Variants in USP7 observed in about 807,000 individuals in gnomAD.
The protein encoded by USP7 is ubiquitin C-terminal hydrolase 7.
A neutral mutation model predicts 162.9 loss-of-function variants in USP7; 9 were observed. That is an observed-to-expected ratio of 0.06 (90% confidence interval 0.03 to 0.10). The LOEUF (loss-of-function observed/expected upper bound fraction) is 0.10. USP7 is among the 10% of genes least tolerant of loss of function. The pLI is 1.00. For synonymous variants in USP7, 562 were observed against 475.9 expected (o/e 1.18, Z -2.35); for missense variants, 715 against 1,373.7 (o/e 0.52, Z 7.58).
At chr16:8,896,110 A>AT (rs1007837992) in intron 26 of USP7, among the ~76,000 whole-genome samples, 3 of 142,248 alleles carry the variant, frequency 2.1e-5, no homozygotes, top group Non-Finnish European at 4.6e-5. Context: ...AAGTGCTGGG[A>AT]TTATAGGTGT....
intron 1 of USP7, among the ~76,000 whole-genome samples, chr16:8,937,787 T>C (rs1217921434): frequency 6.6e-6 from 1 of 152,038 alleles, no homozygotes; most frequent in East Asian, 1.9e-4. Flanking sequence ...AAAAAGCAGT[T>C]TGGGAGATGA....
At position 8,912,363 on chromosome 16, in the gene USP7, T is replaced by C. The variant is rs141851963; in HGVS notation, c.1079-1536A>G. Among the ~76,000 whole-genome samples, 421 of 151,292 alleles carry C rather than the reference T, an allele frequency of 2.8e-3. 2 individuals carry two copies. Among genetic ancestry groups the C allele is most frequent in the African/African-American group, 6.5e-3 (267 of 41,220 alleles). Reference sequence around the variant, plus strand: ...GCTACTCAGGAGGCTGAAAGGAGAATTGCTTGAACCCAGGAGACAAAGGTT... The same window carrying C: ...GCTACTCAGGAGGCTGAAAGGAGAACTGCTTGAACCCAGGAGACAAAGGTT... On this transcript the variant is annotated intron_variant, in intron 10 of 30. Transcript: ENST00000344836.
chr16:8,894,485 G>T, intron 30 of USP7, 65 bp downstream of exon 30: 1 of 1,552,150 alleles, frequency 6.4e-7, no homozygotes. Flanking sequence ...GCCCCTCCCA[G>T]CCCCAGACCA....
intron 6 of USP7, 81 bp from the exon 7 acceptor site, chr16:8,917,237 G>A: frequency 1.4e-6 from 2 of 1,452,730 alleles, no homozygotes; most frequent in African/African-American, 2.9e-5. Context: ...TAATCTTCAT[G>A]TTTAAAAAAA....
At chr16:8,904,087 T>A (rs1363775153) in intron 15 of USP7, among the ~76,000 whole-genome samples, 1 of 152,146 alleles carries the variant, frequency 6.6e-6, no homozygotes, top group East Asian at 1.9e-4. Context: ...ACTCCTGAAC[T>A]GGCTCTGCCC....
At chr16:8,961,505 G>GGC (rs386384179) in intron 1 of USP7, among the ~76,000 whole-genome samples, 1 of 37,724 alleles carries the variant, frequency 2.7e-5, no homozygotes, top group Non-Finnish European at 6.5e-5. Flanking sequence ...AAAAAAAAAA[G>GGC]GGGGGGGGGG....
chr16:8,944,920 C>T (rs565138951), intron 1 of USP7, among the ~76,000 whole-genome samples: 220 of 152,234 alleles, frequency 1.4e-3, no homozygotes, highest in Non-Finnish European at 2.6e-3. Flanking sequence ...TCAGCCTGGC[C>T]AATATGGCGA....
intron 13 of USP7, among the ~76,000 whole-genome samples, chr16:8,906,127 G>A (rs566951994): frequency 9.2e-5 from 14 of 152,288 alleles, no homozygotes; most frequent in South Asian, 2.1e-4. Flanking sequence ...TGGGCCCACC[G>A]CATGGGTAAT....
At chr16:8,952,143 G>A (rs1596414077) in intron 1 of USP7, among the ~76,000 whole-genome samples, 1 of 152,166 alleles carries the variant, frequency 6.6e-6, no homozygotes. Context: ...CCAGTCACTA[G>A]GGAGGCTGAG....
chr16:8,896,654 T>C (rs936819916), intron 26 of USP7, among the ~76,000 whole-genome samples: 1 of 152,186 alleles, frequency 6.6e-6, no homozygotes, highest in Admixed American at 6.5e-5. Context: ...AATCGTATCC[T>C]TCCTCTGTTT....
At chr16:8,909,509 G>A (rs968823498) in intron 11 of USP7, among the ~76,000 whole-genome samples, 1 of 152,180 alleles carries the variant, frequency 6.6e-6, no homozygotes, top group Non-Finnish European at 1.5e-5. Flanking sequence ...TGTCTCCACC[G>A]CTGTCCACTG....
Position 8,963,614 on chromosome 16 carries a change from G to GGGCCGGGGCTGCGGGGCCGCGGGCC in USP7, c.-354_-330dup, listed in dbSNP as rs1900112451. 7.0e-6 allele frequency: 1 copy of GGGCCGGGGCTGCGGGGCCGCGGGCC among 142,658 alleles called. No individual in the cohort carries two copies. The highest frequency in any genetic ancestry group is 2.5e-5 in the African/African-American group (1 of 39,856). 8.8% of individuals were successfully genotyped at this position (142,658 alleles called of 1,614,324 possible). Reference sequence around the variant, plus strand: ...GGCCCGCCTCCCGCCGCCGGGGCCGGGGCCGGGGCTGCGGGGCCGCGGGCC... The same window carrying GGGCCGGGGCTGCGGGGCCGCGGGCC: ...GGCCCGCCTCCCGCCGCCGGGGCCGGGGCCGGGGCTGCGGGGCCGCGGGCCGGCCGGGGCTGCGGGGCCGCGGGCC... On this transcript the variant is annotated 5_prime_UTR_variant, in exon 1 of 31. Transcript: ENST00000344836.
intron 2 of USP7, among the ~76,000 whole-genome samples, chr16:8,928,408 A>G (rs1898132819): frequency 1.3e-5 from 2 of 152,170 alleles, no homozygotes; most frequent in Non-Finnish European, 2.9e-5. Flanking sequence ...TGGATAAGCA[A>G]TTTATGCTGC....
intron 2 of USP7, among the ~76,000 whole-genome samples, chr16:8,924,484 C>G (rs529772853): frequency 6.6e-6 from 1 of 152,378 alleles, no homozygotes; most frequent in East Asian, 1.9e-4. Flanking sequence ...GAAGGCTGTT[C>G]CCGGCTTAGA....
In USP7 at chr16:8,902,857, C is replaced by G. The variant is rs564517802; in HGVS notation, c.1840-375G>C. 2.0e-5 allele frequency among the ~76,000 whole-genome samples: 3 copies of G among 151,658 alleles called. No homozygotes were observed. In the East Asian group the frequency reaches 5.8e-4, roughly 29 times the overall value. ...GAGCCAAGATCGCGCCACTGGGCAA[C>G]AAGAGTGAAACTCTGTCTCAAAAAA... On this transcript the variant is annotated intron_variant, in intron 16 of 30. Coordinates refer to ENST00000344836, the MANE Select transcript of USP7 (RefSeq NM_003470.3).
intron 1 of USP7, among the ~76,000 whole-genome samples, chr16:8,936,245 C>T (rs577883808): frequency 1.4e-4 from 22 of 152,186 alleles, no homozygotes; most frequent in African/African-American, 5.1e-4. Flanking sequence ...ACGGCAGATA[C>T]GCATGGGCCA....
At chr16:8,906,623 C>T (rs1262550675) in intron 12 of USP7, 41 bp from the exon 13 acceptor site, 1 of 1,579,280 alleles carries the variant, frequency 6.3e-7, no homozygotes, top group Non-Finnish European at 8.6e-7. Flanking sequence ...TATTAATTTA[C>T]ACAAAAAATA....
chr16:8,923,496 C>T (rs1897817852), intron 2 of USP7, 83 bp from the exon 3 acceptor site: 1 of 1,414,066 alleles, frequency 7.1e-7, no homozygotes, highest in African/African-American at 1.4e-5. Flanking sequence ...GTAAACTGTT[C>T]TATACATCCT....
chr16:8,960,475 C>G (rs900923235), intron 1 of USP7, among the ~76,000 whole-genome samples: 6 of 152,188 alleles, frequency 3.9e-5, no homozygotes, highest in Non-Finnish European at 7.3e-5. Context: ...TCACACTGAC[C>G]TATTGATAGA....
Sources: gnomAD v4.1 joint callset for allele counts (sites outside exome capture counted in the v4.1 genomes callset) on GRCh38, gnomAD v4.1.1 for gene constraint, MANE v1.5 for transcripts, NCBI Gene and HGNC (gene_info 2026-07-23, HGNC 2026-07-21) for gene names.